Variants in PTPRG observed in about 807,000 individuals in gnomAD.
The protein encoded by PTPRG is receptor-type tyrosine-protein phosphatase gamma.
Under a neutral mutation model 165.3 loss-of-function variants are expected in PTPRG, and 102 were observed. The ratio of observed to expected loss-of-function variants is 0.62; its 90% CI spans 0.53 to 0.73. PTPRG has a LOEUF of 0.73. PTPRG is among the 30% of genes least tolerant of loss of function. The pLI is 0.00. For missense variants in PTPRG, 1,866 were observed against 1,861.4 expected, an observed-to-expected ratio of 1.00 and a Z score of -0.05; for synonymous variants, 675 against 669.5, an observed-to-expected ratio of 1.01 and a Z score of -0.13.
At position 62,003,569 on chromosome 3, in the gene PTPRG, C is replaced by A. The variant is rs184720236; in HGVS notation, c.519+72C>A. 1.2e-4 allele frequency: 194 copies of A among 1,564,726 alleles called. 2 individuals are homozygous for A. In the Admixed American group the frequency reaches 3.5e-3, roughly 28 times the overall value. On this transcript the variant is annotated intron_variant, in intron 4 of 29. Coordinates refer to ENST00000474889, the MANE Select transcript of PTPRG (RefSeq NM_002841.4). ...ATGTTAATCAGATGCTGTGCCCTTA[C>A]CCTCAGTCATTTTGCAAATCACAGC...
chr3:61,793,122 A>C (rs796184093), intron 2 of PTPRG, among the ~76,000 whole-genome samples: 10 of 152,308 alleles, frequency 6.6e-5, no homozygotes, highest in African/African-American at 2.4e-4. Flanking sequence ...TATTGGATGC[A>C]TGTCAGGATT....
chr3:62,064,507 C>T (rs920613810), intron 4 of PTPRG, among the ~76,000 whole-genome samples: 23 of 152,170 alleles, frequency 1.5e-4, no homozygotes, highest in African/African-American at 4.3e-4. Context: ...CCTTCCCCTC[C>T]GTAGGTTCTA....
intron 1 of PTPRG, among the ~76,000 whole-genome samples, chr3:61,624,234 C>A (rs1209777774): frequency 1.3e-5 from 2 of 152,142 alleles, no homozygotes; most frequent in East Asian, 1.9e-4. Context: ...AAGCTTTTAA[C>A]TTCCCTGGGC....
intron 2 of PTPRG, among the ~76,000 whole-genome samples, chr3:61,804,304 G>A (rs1262162082): frequency 6.6e-6 from 1 of 152,212 alleles, no homozygotes; most frequent in African/African-American, 2.4e-5. Flanking sequence ...GAAAGATGTG[G>A]ACTTGGAGGG....
intron 6 of PTPRG, among the ~76,000 whole-genome samples, chr3:62,133,262 T>C (rs1396464895): frequency 6.6e-6 from 1 of 152,238 alleles, no homozygotes; most frequent in Non-Finnish European, 1.5e-5. Flanking sequence ...ACTGCATCAT[T>C]ACCTATGACA....
At chr3:61,933,994 C>T (rs370894724) in intron 2 of PTPRG, among the ~76,000 whole-genome samples, 14 of 152,276 alleles carry the variant, frequency 9.2e-5, no homozygotes, top group South Asian at 8.3e-4. Flanking sequence ...CTCATGCTTT[C>T]GCTCCTGCAC....
intron 14 of PTPRG, among the ~76,000 whole-genome samples, chr3:62,232,075 C>T (rs1700916649): frequency 1.3e-5 from 2 of 152,006 alleles, no homozygotes; most frequent in South Asian, 4.2e-4. Flanking sequence ...CAGGAGCAGT[C>T]CCTTTTTACT....
chr3:61,578,092 A>T (rs930971205), intron 1 of PTPRG, among the ~76,000 whole-genome samples: 2 of 152,228 alleles, frequency 1.3e-5, no homozygotes, highest in African/African-American at 4.8e-5. Flanking sequence ...GCTCATGAGT[A>T]GACATTTAGC....
At chr3:62,177,140 T>C (rs1398397760) in intron 8 of PTPRG, among the ~76,000 whole-genome samples, 1 of 151,796 alleles carries the variant, frequency 6.6e-6, no homozygotes, top group African/African-American at 2.4e-5. Flanking sequence ...TAACATTAGC[T>C]GGGCTTGGTA....
intron 4 of PTPRG, among the ~76,000 whole-genome samples, chr3:62,011,075 A>G (rs967715814): frequency 4.6e-5 from 7 of 152,110 alleles, no homozygotes; most frequent in Non-Finnish European, 8.8e-5. Context: ...TATCTAAAAA[A>G]CTGATGAGGC....
At chr3:61,814,678 G>A (rs2035701561) in intron 2 of PTPRG, among the ~76,000 whole-genome samples, 1 of 151,716 alleles carries the variant, frequency 6.6e-6, no homozygotes, top group Non-Finnish European at 1.5e-5. Context: ...TAAGCAAAAG[G>A]AGAAGTAACC....
At position 61,910,049 on chromosome 3, in the gene PTPRG, T is replaced by C. The variant is rs141588147; in HGVS notation, c.191-79576T>C. On this transcript the variant is annotated intron_variant, in intron 2 of 29. Transcript: ENST00000474889. ...TCCATTCTTTTTTCCCCAAAGATGC[T>C]GATTAGTAGTATTTTTAATTCACTT... is the stretch of plus-strand genomic sequence containing the variant. 1.2e-4 allele frequency among the ~76,000 whole-genome samples: 19 copies of C among 152,332 alleles called. No homozygotes were observed. In the East Asian group the frequency reaches 3.7e-3, roughly 29 times the overall value.
intron 7 of PTPRG, among the ~76,000 whole-genome samples, chr3:62,165,629 G>T (rs1395557331): frequency 6.6e-6 from 1 of 152,184 alleles, no homozygotes; most frequent in Non-Finnish European, 1.5e-5. Context: ...TAACACAAGA[G>T]TAACAGGCTG....
rs1010035214 is a variant in PTPRG, at chr3:62,252,694, A to T, written c.2468-2430A>T. On this transcript the variant is annotated intron_variant, in intron 15 of 29. Transcript: ENST00000474889. This position sits in a 1 kb window ranked among gnomAD's most constrained non-coding sequence, Gnocchi z 4.6. ...GGCTCATGTTGAGAGAATGTAATAG[A>T]AAAATTATGAGAATGATTAGAATAA... is the stretch of plus-strand genomic sequence containing the variant. Among the ~76,000 whole-genome samples, 2 of 152,306 alleles carry T rather than the reference A, an allele frequency of 1.3e-5. No homozygotes were observed. Among genetic ancestry groups the T allele is most frequent in the African/African-American group, 4.8e-5 (2 of 41,562 alleles).
intron 21 of PTPRG, among the ~76,000 whole-genome samples, chr3:62,272,601 T>C (rs1702102217): frequency 6.6e-6 from 1 of 152,146 alleles, no homozygotes; most frequent in African/African-American, 2.4e-5. Flanking sequence ...TCCAGCAGTT[T>C]GGGAGGCCAA....
intron 1 of PTPRG, among the ~76,000 whole-genome samples, chr3:61,650,987 A>G (rs919899850): frequency 6.6e-6 from 1 of 152,150 alleles, no homozygotes; most frequent in Non-Finnish European, 1.5e-5. Flanking sequence ...TTGTCTAGTA[A>G]AAGTTTATAT....
At chr3:61,694,886 C>G (rs1338617772) in intron 1 of PTPRG, among the ~76,000 whole-genome samples, 1 of 152,192 alleles carries the variant, frequency 6.6e-6, no homozygotes, top group East Asian at 1.9e-4. Context: ...CTCACCCTCA[C>G]TCTCTCTCAT....
intron 4 of PTPRG, among the ~76,000 whole-genome samples, chr3:62,061,211 A>G (rs997328301): frequency 6.6e-6 from 1 of 152,200 alleles, no homozygotes; most frequent in East Asian, 1.9e-4. Flanking sequence ...GAAATCTGAA[A>G]TTTGGGAATT....
At chr3:61,678,877 A>G (rs900698836) in intron 1 of PTPRG, among the ~76,000 whole-genome samples, 5 of 152,006 alleles carry the variant, frequency 3.3e-5, no homozygotes, top group African/African-American at 1.2e-4. Flanking sequence ...CCCATACCTA[A>G]GTTTTGGGAG....
Sources: allele counts gnomAD v4.1 joint callset (sites outside exome capture counted in the v4.1 genomes callset), GRCh38; gene constraint gnomAD v4.1.1; non-coding constraint Gnocchi (gnomAD v3.1); transcripts MANE v1.5; gene names NCBI Gene and HGNC (gene_info 2026-07-23, HGNC 2026-07-21).